Variants in PLOD2 observed in about 807,000 individuals in gnomAD.
PLOD2 encodes the protein lysine hydroxylase 2.
Under a neutral mutation model 101.0 loss-of-function variants are expected in PLOD2, and 65 were observed. The observed-to-expected ratio is 0.64, with a 90% CI of 0.53 to 0.79. The LOEUF (loss-of-function observed/expected upper bound fraction) is 0.79, where lower values mean the gene tolerates loss of function less well. PLOD2 is among the 30% of genes least tolerant of loss of function. PLOD2 has a pLI of 0.00. For synonymous variants in PLOD2, 314 were observed against 302.9 expected (o/e 1.04, Z -0.38); for missense variants, 909 against 914.6 (o/e 0.99, Z 0.08).
At chr3:146,076,675 TTA>T in intron 15 of PLOD2, 105 bp downstream of exon 15, 2 of 661,566 alleles carry the variant, frequency 3.0e-6, no homozygotes, top group Non-Finnish European at 5.4e-6. Context: ...GCATTTCACC[TTA>T]TGTCATTTTA....
Position 146,085,154 on chromosome 3 carries a change from AATTTTAGAAAGTAC to A in PLOD2, c.1232+1_1232+14del. On this transcript the variant is annotated splice_donor_variant and splice_donor_5th_base_variant and intron_variant, in intron 11 of 19. Transcript: ENST00000282903. LOFTEE classifies it high-confidence loss of function. ...TCATTTTAACAATAAATTGATATCG[AATTTTAGAAAGTAC>A]CTGTTTTGTTCAATCAAAATTTTTA... 8.8e-7 allele frequency: 1 copy of A among 1,135,312 alleles called. No homozygotes were observed. The highest frequency in any genetic ancestry group is 1.3e-6 in the Non-Finnish European group (1 of 745,030). The allele number at this position is 1,135,312 out of a possible 1,614,324, so 70.3% of individuals were successfully genotyped here.
chr3:146,109,294 G>T (rs908667916), intron 4 of PLOD2, among the ~76,000 whole-genome samples: 4 of 152,302 alleles, frequency 2.6e-5, no homozygotes, highest in African/African-American at 9.6e-5. Flanking sequence ...AGTGCAAACT[G>T]GAATTTAAGG....
intron 1 of PLOD2, among the ~76,000 whole-genome samples, chr3:146,153,745 C>G (rs1353553802): frequency 6.6e-6 from 1 of 151,230 alleles, no homozygotes; most frequent in Non-Finnish European, 1.5e-5. Flanking sequence ...CCGAGACTGA[C>G]CAGGAGTACT....
At chr3:146,074,108 TA>T (rs1936245978) in intron 15 of PLOD2, among the ~76,000 whole-genome samples, 1 of 151,548 alleles carries the variant, frequency 6.6e-6, no homozygotes, top group South Asian at 2.1e-4. Flanking sequence ...ATCTCTGGCA[TA>T]AAATCCACAC....
intron 14 of PLOD2, 133 bp from the exon 15 acceptor site, chr3:146,077,028 T>C (rs1936371123): frequency 1.5e-6 from 2 of 1,305,224 alleles, no homozygotes; most frequent in Non-Finnish European, 2.0e-6. Flanking sequence ...TTAGTATTCA[T>C]ATAAAATGTG....
chr3:146,146,215 A>C (rs2031769545), intron 1 of PLOD2, among the ~76,000 whole-genome samples: 1 of 151,934 alleles, frequency 6.6e-6, no homozygotes, highest in Admixed American at 6.6e-5. Context: ...AACATCCATA[A>C]AAATTTAAAA....
At chr3:146,096,181 A>G (rs1381983997) in intron 7 of PLOD2, among the ~76,000 whole-genome samples, 1 of 143,244 alleles carries the variant, frequency 7.0e-6, no homozygotes, top group Non-Finnish European at 1.5e-5. Context: ...AGTCTCGTTC[A>G]CTCAGTGCTC....
rs533478450 is a variant in PLOD2 at position 146,079,198 on chromosome 3, C to A, written c.1418G>T (p.Arg473Leu). Reference sequence around the variant, plus strand: ...ATAGTTCCTTTCATTCATCTCTGATCGGAGTGTCTTTCCTTTAATTAAGTA... The same window carrying A: ...ATAGTTCCTTTCATTCATCTCTGATAGGAGTGTCTTTCCTTTAATTAAGTA... ...NVYLIKGKTL[R>L]SEMNERNYFV... is the part of the protein sequence containing the mutation. Residue 473 changes from arginine (R) to leucine (L), a missense_variant, in exon 13 of 20, where the codon CGA becomes CTA. Coordinates refer to ENST00000282903, the MANE Select transcript of PLOD2 (RefSeq NM_182943.3). 2 of 1,610,504 alleles carry A rather than the reference C, an allele frequency of 1.2e-6. No homozygotes were observed. The highest frequency in any genetic ancestry group is 3.3e-5 in the Admixed American group (2 of 59,942).
At chr3:146,110,715 C>T (rs1937614937) in intron 3 of PLOD2, among the ~76,000 whole-genome samples, 1 of 151,938 alleles carries the variant, frequency 6.6e-6, no homozygotes, top group African/African-American at 2.4e-5. Context: ...TCAGGAATCA[C>T]TTATTCCCAA....
intron 13 of PLOD2, 104 bp downstream of exon 13, chr3:146,079,012 T>TA: frequency 4.1e-6 from 5 of 1,234,554 alleles, no homozygotes; most frequent in Non-Finnish European, 6.0e-6. Context: ...GGCTAGTACT[T>TA]ACAAATTAGC....
intron 3 of PLOD2, 149 bp from the exon 4 acceptor site, chr3:146,110,597 A>C: frequency 1.8e-6 from 1 of 552,526 alleles, no homozygotes; most frequent in Non-Finnish European, 3.1e-6. Flanking sequence ...CACCAAACAA[A>C]ATTTCTCTCA....
At chr3:146,112,497 G>A (rs767061543) in intron 3 of PLOD2, among the ~76,000 whole-genome samples, 11 of 151,896 alleles carry the variant, frequency 7.2e-5, no homozygotes, top group East Asian at 3.9e-4. Flanking sequence ...GGAGTTTGTC[G>A]GTGGGCGGGG....
chr3:146,145,085 A>G (rs1205081007), intron 1 of PLOD2, among the ~76,000 whole-genome samples: 5 of 152,128 alleles, frequency 3.3e-5, no homozygotes, highest in Non-Finnish European at 4.4e-5. Flanking sequence ...GAGCTCTGTC[A>G]TTTCTTACTA....
chr3:146,124,664 A>G (rs1434206599), intron 1 of PLOD2, among the ~76,000 whole-genome samples: 1 of 7,692 alleles, frequency 1.3e-4, no homozygotes, highest in African/African-American at 6.9e-4. Context: ...TGACATACAC[A>G]AAAAAAACAG....
At chr3:146,085,649 G>GT (rs1395042863) in intron 10 of PLOD2, 5 of 251,114 alleles carry the variant, frequency 2.0e-5, no homozygotes, top group African/African-American at 1.1e-4. Context: ...TGTTGGAGAT[G>GT]TAAGTATATG....
At chr3:146,081,595 G>T in intron 12 of PLOD2, 143 bp downstream of exon 12, 2 of 607,588 alleles carry the variant, frequency 3.3e-6, no homozygotes, top group South Asian at 2.1e-5. Flanking sequence ...AGTATTTCAG[G>T]ATTCCAAGTG....
intron 8 of PLOD2, 77 bp downstream of exon 8, chr3:146,091,720 CCTT>C (rs1251011040): frequency 3.1e-5 from 25 of 806,144 alleles, no homozygotes; most frequent in Non-Finnish European, 4.6e-5. Flanking sequence ...AAATAATTTG[CCTT>C]TTTTCCTATA....
chr3:146,107,317 C>G (rs185960673), intron 4 of PLOD2, among the ~76,000 whole-genome samples: 2 of 152,058 alleles, frequency 1.3e-5, no homozygotes, highest in Non-Finnish European at 2.9e-5. Context: ...GCATTAAGAC[C>G]GCCAATAACA....
At chr3:146,134,008 G>C (rs1224365567) in intron 1 of PLOD2, among the ~76,000 whole-genome samples, 3 of 152,138 alleles carry the variant, frequency 2.0e-5, no homozygotes, top group Non-Finnish European at 1.5e-5. Context: ...AGTAGGTTCA[G>C]GGGTCTAGCA....
Sources: allele counts gnomAD v4.1 joint callset (sites outside exome capture counted in the v4.1 genomes callset), GRCh38; gene constraint gnomAD v4.1.1; transcripts MANE v1.5; gene names NCBI Gene and HGNC (gene_info 2026-07-23, HGNC 2026-07-21).